Variants in AP1G1 observed in about 807,000 individuals in gnomAD.
AP1G1 encodes AP-1 complex subunit gamma-1.
A neutral mutation model predicts 108.3 loss-of-function variants in AP1G1; 7 were observed. The ratio of observed to expected loss-of-function variants is 0.06; its 90% CI spans 0.04 to 0.12. The LOEUF (loss-of-function observed/expected upper bound fraction) is 0.12. Ranked by LOEUF, AP1G1 falls within the 10% of genes least tolerant of loss-of-function variation. The probability of loss-of-function intolerance (pLI) is 1.00; values close to 1 mark genes in which losing one functional copy is unlikely to be tolerated. For synonymous variants in AP1G1, 379 were observed against 353.5 expected, an observed-to-expected ratio of 1.07 and a Z score of -0.81; for missense variants, 756 against 1,010.7, an observed-to-expected ratio of 0.75 and a Z score of 3.42.
chr16:71,759,821 T>C lies in AP1G1; in HGVS notation c.975-900A>G, dbSNP rs185183209. The stretch of plus-strand genomic sequence containing the variant: ...AAAATATAAAATAAATAGAAGTGAC[T>C]GACTCAATTCTTTAAAAGTTTTCCA... On this transcript the variant is annotated intron_variant, in intron 10 of 22. Transcript: ENST00000299980. Among the ~76,000 whole-genome samples the C allele has an allele frequency of 3.2e-3, 482 of 151,904 alleles. 2 individuals are homozygous for C. The highest frequency in any genetic ancestry group is 5.3e-3 in the Non-Finnish European group (360 of 67,928).
chr16:71,805,610 C>G (rs759982883), intron 1 of AP1G1, among the ~76,000 whole-genome samples: 31 of 152,084 alleles, frequency 2.0e-4, no homozygotes, highest in East Asian at 7.7e-4. Flanking sequence ...ATTTTAAAAT[C>G]CTCATCAAAT....
chr16:71,748,122 A>T, intron 16 of AP1G1, 129 bp downstream of exon 16: 1 of 951,872 alleles, frequency 1.1e-6, no homozygotes, highest in Non-Finnish European at 1.6e-6. Context: ...TAAGTAATGG[A>T]AATTTGTGTT....
At chr16:71,746,759 T>C in intron 16 of AP1G1, 67 bp from the exon 17 acceptor site, 1 of 1,212,284 alleles carries the variant, frequency 8.2e-7, no homozygotes, top group Admixed American at 1.9e-5. Flanking sequence ...AGAGATAATG[T>C]TTAATAAGCC....
At chr16:71,737,722 C>T (rs1383482652) in intron 21 of AP1G1, among the ~76,000 whole-genome samples, 3 of 152,266 alleles carry the variant, frequency 2.0e-5, no homozygotes, top group African/African-American at 7.2e-5. Context: ...AAAACATCCT[C>T]AATTTCCAAG....
At chr16:71,798,939 TATAACAAAGAATTAACATTCC>T (rs1351782658) in intron 1 of AP1G1, among the ~76,000 whole-genome samples, 5 of 147,128 alleles carry the variant, frequency 3.4e-5, no homozygotes, top group Admixed American at 6.8e-5. Flanking sequence ...ACACGTGCCA[TATAACAAAGAATTAACATTCC>T]ATAAGCGCTC....
At position 71,789,268 on chromosome 16, in the gene AP1G1, G is replaced by A. The variant is rs2032316218; in HGVS notation, c.201+11C>T. ...AATACCCTTGCTACATGTAGTCTCA[G>A]CCCAGCCTACCTGTCCAAAGTGAGC... On this transcript the variant is annotated intron_variant, in intron 2 of 22. Coordinates refer to ENST00000299980, the MANE Select transcript of AP1G1 (RefSeq NM_001128.6). 4 of 1,610,840 alleles carry A rather than the reference G, an allele frequency of 2.5e-6. No individual in the cohort carries two copies. The highest frequency in any genetic ancestry group is 1.7e-5 in the Admixed American group (1 of 59,432).
At chr16:71,779,781 G>A (rs1046969856) in intron 2 of AP1G1, among the ~76,000 whole-genome samples, 3 of 151,954 alleles carry the variant, frequency 2.0e-5, no homozygotes, top group African/African-American at 7.3e-5. Context: ...GTTACCCCTG[G>A]ATAAAAGCTG....
rs1017141527 is a variant in AP1G1 at position 71,738,938 on chromosome 16, G to C, written c.2268+4C>G. 1.2e-6 allele frequency: 2 copies of C among 1,610,642 alleles called. No individual in the cohort carries two copies. The highest frequency in any genetic ancestry group is 4.5e-5 in the East Asian group (2 of 44,818). On this transcript the variant is annotated splice_donor_region_variant and intron_variant, in intron 21 of 22. Transcript: ENST00000299980. ...GGAAACATCTAAAGAAGACATTGTA[G>C]TACCTTTGGTACTGCAGCTTGGAAA...
At chr16:71,795,880 G>A (rs995914668) in intron 1 of AP1G1, among the ~76,000 whole-genome samples, 4 of 152,202 alleles carry the variant, frequency 2.6e-5, no homozygotes, top group Non-Finnish European at 4.4e-5. Context: ...AAGGGAAATG[G>A]TCTACAGTGA....
rs1567652782 is a variant in AP1G1 at position 71,768,976 on chromosome 16, T to TAAA, written c.642+646_642+647insTTT. Among the ~76,000 whole-genome samples, 16 of 32,256 alleles carry TAAA rather than the reference T, an allele frequency of 5.0e-4. 1 individual carries two copies. The highest frequency in any genetic ancestry group is 1.1e-3 in the Admixed American group (2 of 1,820). 21.2% of individuals were successfully genotyped at this position (32,256 alleles called of 152,430 possible). A position where few individuals can be genotyped will look rare whatever the true frequency, so the allele number is the denominator to read the frequency against. ...GAAATTCCTGCCTTTAAAAAAAAAA[T>TAAA]ACAAAAAAAAAAAAAAAAAAAACAG... is the stretch of plus-strand genomic sequence containing the variant. On this transcript the variant is annotated intron_variant, in intron 6 of 22. Transcript: ENST00000299980.
At chr16:71,787,475 C>A (rs1035505919) in intron 2 of AP1G1, among the ~76,000 whole-genome samples, 1 of 152,072 alleles carries the variant, frequency 6.6e-6, no homozygotes, top group Admixed American at 6.6e-5. Flanking sequence ...AGAGCAAGAC[C>A]CTGCCTCTAA....
intron 1 of AP1G1, among the ~76,000 whole-genome samples, chr16:71,792,682 C>T (rs140535806): frequency 0.028 from 4,301 of 152,102 alleles, 88 homozygotes; most frequent in Non-Finnish European, 0.043. Context: ...GGCAAAACCC[C>T]GTCTCTACTA....
intron 1 of AP1G1, among the ~76,000 whole-genome samples, chr16:71,791,246 A>G (rs2145529515): frequency 6.6e-6 from 1 of 152,024 alleles, no homozygotes; most frequent in Admixed American, 6.6e-5. Context: ...AACAAAAAAA[A>G]CAAAAACAAA....
chr16:71,801,709 T>G (rs1305735789), intron 1 of AP1G1, among the ~76,000 whole-genome samples: 1 of 151,994 alleles, frequency 6.6e-6, no homozygotes, highest in Admixed American at 6.6e-5. Context: ...GATCACAAGG[T>G]CAGGAGATCA....
Position 71,739,230 on chromosome 16 carries a change from G to T in AP1G1, c.2107+4C>A. On this transcript the variant is annotated splice_donor_region_variant and intron_variant, in intron 20 of 22. Transcript: ENST00000299980. ...TGTAATGATGGTAACAACAGTCATC[G>T]TACCTGCAGCAATATCATTGAAGAG... The T allele has an allele frequency of 6.2e-7, 1 of 1,611,864 alleles. No individual in the cohort carries two copies. The highest frequency in any genetic ancestry group is 8.5e-7 in the Non-Finnish European group (1 of 1,178,404).
At chr16:71,808,078 ACCGTCCCGACTCTTT>A in intron 1 of AP1G1, 2 of 1,177,048 alleles carry the variant, frequency 1.7e-6, no homozygotes, top group Non-Finnish European at 2.1e-6. Context: ...AATCAACCGA[ACCGTCCCGACTCTTT>A]CAGGCAATCA....
intron 1 of AP1G1, chr16:71,807,947 T>C (rs117193414): frequency 0.017 from 21,113 of 1,263,218 alleles, 234 homozygotes; most frequent in Middle Eastern, 0.026. Context: ...AGAAAACATT[T>C]GACAGCTCTT....
rs535053565 is a variant in AP1G1, at chr16:71,763,895, A to G, written c.918+455T>C. On this transcript the variant is annotated intron_variant, in intron 9 of 22. Coordinates refer to ENST00000299980, the MANE Select transcript of AP1G1 (RefSeq NM_001128.6). ...GAGAAAAAAATGAGGGAAATGAAAA[A>G]TTGTCATTAGAATACATCTTAATAA... Among the ~76,000 whole-genome samples, 6 of 152,306 alleles carry G rather than the reference A, an allele frequency of 3.9e-5. No individual in the cohort carries two copies. The East Asian group carries it at 7.7e-4, about 20-fold the overall frequency.
chr16:71,745,330 T>C, intron 18 of AP1G1, 60 bp from the exon 19 acceptor site: 4 of 1,603,680 alleles, frequency 2.5e-6, no homozygotes. Context: ...ATACATCTAA[T>C]GCAAAGCTCT....
Sources: allele counts gnomAD v4.1 joint callset (sites outside exome capture counted in the v4.1 genomes callset), GRCh38; gene constraint gnomAD v4.1.1; transcripts MANE v1.5; gene names NCBI Gene and HGNC (gene_info 2026-07-23, HGNC 2026-07-21).